The following RBFOX1 variants were observed in gnomAD, a reference collection of about 807,000 sequenced individuals.
RBFOX1 encodes RNA binding fox-1 homolog 1, also known as RNA binding protein fox-1 homolog 1.
In RBFOX1, 8 loss-of-function variants were observed where a neutral mutation model predicts 57.7. The ratio of observed to expected loss-of-function variants is 0.14; its 90% CI spans 0.08 to 0.25. The LOEUF (loss-of-function observed/expected upper bound fraction) is 0.25. Ranked by LOEUF, RBFOX1 falls within the 10% of genes least tolerant of loss-of-function variation. The pLI is 1.00. For missense variants in RBFOX1, 611 were observed against 548.5 expected (o/e 1.11, Z -1.14); for synonymous variants, 326 against 222.4 (o/e 1.47, Z -4.15).
At chr16:6,219,956 A>G (rs2097361247) in intron 1 of RBFOX1, among the ~76,000 whole-genome samples, 1 of 152,236 alleles carries the variant, frequency 6.6e-6, no homozygotes, top group African/African-American at 2.4e-5. Flanking sequence ...CTTAGCACAA[A>G]TGTAACATAA....
intron 3 of RBFOX1, among the ~76,000 whole-genome samples, chr16:6,723,056 G>T (rs1422895473): frequency 6.6e-6 from 1 of 152,194 alleles, no homozygotes; most frequent in Non-Finnish European, 1.5e-5. Context: ...CCCAGGCTTT[G>T]GGGAGGGGAT....
chr16:6,809,274 A>T (rs931348835), intron 3 of RBFOX1, among the ~76,000 whole-genome samples: 5 of 152,206 alleles, frequency 3.3e-5, no homozygotes, highest in Admixed American at 1.3e-4. Context: ...TCATTGCTCA[A>T]TTAAACTTCT....
At chr16:6,768,642 ATATT>A in intron 3 of RBFOX1, among the ~76,000 whole-genome samples, 1 of 151,670 alleles carries the variant, frequency 6.6e-6, no homozygotes, top group African/African-American at 2.4e-5. Context: ...CTACCTGTAT[ATATT>A]CATTAGTATG....
intron 4 of RBFOX1, among the ~76,000 whole-genome samples, chr16:7,387,248 G>C (rs1014186017): frequency 3.3e-5 from 5 of 152,048 alleles, no homozygotes; most frequent in African/African-American, 1.2e-4. Context: ...GCATTATCTT[G>C]CTAAATTAGT....
intron 4 of RBFOX1, among the ~76,000 whole-genome samples, chr16:7,311,229 G>C (rs754275155): frequency 6.6e-6 from 1 of 152,192 alleles, no homozygotes; most frequent in Admixed American, 6.5e-5. Flanking sequence ...AGCTCTAGCT[G>C]AAGAGCAGTC....
chr16:6,126,953 G>C (rs544317769), intron 1 of RBFOX1, among the ~76,000 whole-genome samples: 1 of 152,298 alleles, frequency 6.6e-6, no homozygotes, highest in Non-Finnish European at 1.5e-5. Context: ...CAATGTGGTT[G>C]TGAGATAAAA....
intron 2 of RBFOX1, among the ~76,000 whole-genome samples, chr16:6,647,983 A>C (rs943532056): frequency 1.3e-5 from 2 of 152,148 alleles, no homozygotes; most frequent in African/African-American, 4.8e-5. Flanking sequence ...CTGGAATTAC[A>C]CGTGTGTGCC....
intron 4 of RBFOX1, among the ~76,000 whole-genome samples, chr16:7,155,736 T>TACAC (rs1476111320): frequency 2.4e-5 from 2 of 83,398 alleles, no homozygotes; most frequent in African/African-American, 1.2e-4. Context: ...TATATATATA[T>TACAC]ATACACACAC....
intron 4 of RBFOX1, among the ~76,000 whole-genome samples, chr16:7,112,170 CTT>C (rs1262627360): frequency 6.6e-6 from 1 of 152,110 alleles, no homozygotes; most frequent in Non-Finnish European, 1.5e-5. Context: ...ATCATACAAA[CTT>C]TGTTTTTCTA....
intron 9 of RBFOX1, among the ~76,000 whole-genome samples, chr16:7,603,749 A>G (rs59520784): frequency 0.014 from 2,208 of 152,304 alleles, 46 homozygotes; most frequent in African/African-American, 0.046. Context: ...GGGAAGTGGT[A>G]CCAAAGAGGT....
At chr16:7,241,982 G>A (rs538219632) in intron 4 of RBFOX1, among the ~76,000 whole-genome samples, 1 of 151,988 alleles carries the variant, frequency 6.6e-6, no homozygotes, top group Non-Finnish European at 1.5e-5. Context: ...TTCAACTTTG[G>A]CCCTCTTGAT....
chr16:5,938,817 T>C (rs530244640), intron 4 of RBFOX1, among the ~76,000 whole-genome samples: 1 of 152,200 alleles, frequency 6.6e-6, no homozygotes, highest in Admixed American at 6.5e-5. Context: ...GATGAACCAC[T>C]CAGCTGAGCC....
intron 3 of RBFOX1, among the ~76,000 whole-genome samples, chr16:5,643,100 C>T (rs1023107835): frequency 1.3e-5 from 2 of 152,164 alleles, no homozygotes; most frequent in Admixed American, 6.5e-5. Context: ...CCGTGTTAAC[C>T]TCTAAAAGCC....
At chr16:6,844,087 C>G (rs1302726086) in intron 3 of RBFOX1, among the ~76,000 whole-genome samples, 3 of 151,988 alleles carry the variant, frequency 2.0e-5, no homozygotes, top group South Asian at 2.1e-4. Context: ...CCAAATCCCT[C>G]TCTGTCTCTA....
At chr16:7,705,330 C>T (rs571168732) in intron 14 of RBFOX1, among the ~76,000 whole-genome samples, 24 of 152,088 alleles carry the variant, frequency 1.6e-4, no homozygotes, top group African/African-American at 5.1e-4. Context: ...CACAGTGAAG[C>T]CCCATATCTA....
chr16:7,074,879 C>G (rs1424761412), intron 4 of RBFOX1, among the ~76,000 whole-genome samples: 1 of 152,098 alleles, frequency 6.6e-6, no homozygotes, highest in Non-Finnish European at 1.5e-5. Context: ...GTACAGGTAA[C>G]TAAGTTCTCT....
chr16:6,367,384 C>T (rs1297179914), intron 2 of RBFOX1, among the ~76,000 whole-genome samples: 4 of 152,142 alleles, frequency 2.6e-5, no homozygotes, highest in South Asian at 2.1e-4. Flanking sequence ...GATTCCCCTG[C>T]CTCAGCCTCC....
intron 2 of RBFOX1, among the ~76,000 whole-genome samples, chr16:6,557,015 A>G (rs1476677328): frequency 2.1e-5 from 3 of 139,950 alleles, no homozygotes; most frequent in South Asian, 2.1e-4. Context: ...ACATATATAT[A>G]CATATATATA....
intron 3 of RBFOX1, among the ~76,000 whole-genome samples, chr16:6,803,064 C>T (rs2085872572): frequency 6.6e-6 from 1 of 152,112 alleles, no homozygotes; most frequent in African/African-American, 2.4e-5. Flanking sequence ...CAAAATGTTA[C>T]TTTGTGTGTG....
Sources: gnomAD v4.1 joint callset for allele counts (sites outside exome capture counted in the v4.1 genomes callset) on GRCh38, gnomAD v4.1.1 for gene constraint, MANE v1.5 for transcripts, NCBI Gene and HGNC (gene_info 2026-07-23, HGNC 2026-07-21) for gene names.